The following ADGRG4 variants were observed in gnomAD, a reference collection of about 807,000 sequenced individuals.
ADGRG4 encodes the protein G protein-coupled receptor 112.
ADGRG4 carries 122 observed loss-of-function variants against 126.2 expected under a neutral mutation model. That is an observed-to-expected ratio of 0.97 (90% CI 0.83 to 1.12). ADGRG4 has a LOEUF of 1.12. ADGRG4 is among the 50% of genes most tolerant of loss of function. ADGRG4 has a pLI of 0.00. For synonymous variants in ADGRG4, 943 were observed against 838.7 expected (o/e 1.12, Z -2.15); for missense variants, 2,481 against 2,251.8 (o/e 1.10, Z -2.06).
Position 136,323,376 on chromosome X carries a change from C to G in ADGRG4, c.669C>G (p.Asp223Glu). ...TCAACAAGATCATCCCAACTGTTGA[C>G]AGGACACTGCGCTGCTGTGAGTAAC... ...WLVNKIIPTV[D>E]RTLRCFVPEN... Residue 223 changes from aspartate (D) to glutamate (E), a missense_variant, in exon 5 of 26, where the codon GAC becomes GAG. Coordinates refer to ENST00000394143, the MANE Select transcript of ADGRG4 (RefSeq NM_153834.4). 1 of 1,206,941 alleles carries G rather than the reference C, an allele frequency of 8.3e-7. No individual in the cohort carries two copies. Among genetic ancestry groups the G allele is most frequent in the Non-Finnish European group, 1.1e-6 (1 of 893,009 alleles).
chrX:136,399,855 C>T lies in ADGRG4; in HGVS notation c.8314C>T (p.Arg2772Ter), dbSNP rs1244009308. 9.2e-6 allele frequency: 11 copies of T among 1,197,527 alleles called. No individual in the cohort carries two copies. The East Asian group carries it at 2.4e-4, about 26-fold the overall frequency. Residue 2772 changes from arginine to a stop codon, truncating the protein, a stop_gained, in exon 21 of 26, where the codon CGA becomes TGA. Coordinates refer to ENST00000394143, the MANE Select transcript of ADGRG4 (RefSeq NM_153834.4). LOFTEE classifies it high-confidence loss of function. ...TTGTACTTTCTCTTTTAGCAAACTT[C>T]GAAAAGATTATCCTGCCAAAATTCT... ...VVTYIAFHKLRKDYPAKILIN... is the reference protein window; with the variant it reads ...VVTYIAFHKL
At chrX:136,344,171 A>G (rs964221557) in intron 5 of ADGRG4, among the ~76,000 whole-genome samples, 6 of 111,529 alleles carry the variant, frequency 5.4e-5, no homozygotes, top group Non-Finnish European at 1.1e-4. Flanking sequence ...GATACTACGA[A>G]ATGGATATCT....
chrX:136,361,634 C>T (rs773806911), intron 12 of ADGRG4, 47 bp downstream of exon 12: 1 of 1,004,618 alleles, frequency 1.0e-6, no homozygotes. Context: ...ATACAAAGAT[C>T]TACCTAATTG....
intron 20 of ADGRG4, 111 bp downstream of exon 20, chrX:136,398,113 C>A: frequency 1.5e-6 from 1 of 674,103 alleles, no homozygotes; most frequent in Non-Finnish European, 2.2e-6. Context: ...GAAGTCAGAT[C>A]CATTAGCTTA....
intron 15 of ADGRG4, among the ~76,000 whole-genome samples, chrX:136,383,876 T>TCTTC (rs2075278637): frequency 9.0e-5 from 7 of 77,647 alleles, no homozygotes; most frequent in African/African-American, 3.4e-4. Flanking sequence ...CTTTCTTTCT[T>TCTTC]CTTTCTTCCT....
chrX:136,310,996 G>C (rs749972119), intron 4 of ADGRG4, among the ~76,000 whole-genome samples: 70 of 110,918 alleles, frequency 6.3e-4, no homozygotes, highest in African/African-American at 2.2e-3. Flanking sequence ...GAGGCTGAGG[G>C]TTCAAGATCA....
At chrX:136,321,790 G>A (rs556816431) in intron 4 of ADGRG4, among the ~76,000 whole-genome samples, 22 of 111,932 alleles carry the variant, frequency 2.0e-4, no homozygotes, top group South Asian at 3.8e-4. Context: ...CCAAAAGACC[G>A]CACCCAATGG....
At chrX:136,401,980 A>G (rs2075381756) in intron 21 of ADGRG4, among the ~76,000 whole-genome samples, 2 of 112,090 alleles carry the variant, frequency 1.8e-5, no homozygotes, top group Non-Finnish European at 3.8e-5. Context: ...CCAAATTCAG[A>G]TAAGCCTTTA....
chrX:136,330,707 C>T (rs1357461909), intron 5 of ADGRG4, among the ~76,000 whole-genome samples: 1 of 110,931 alleles, frequency 9.0e-6, no homozygotes, highest in East Asian at 2.8e-4. Context: ...AATTAAATTT[C>T]TGTGGGTACA....
At chrX:136,322,237 C>T (rs1048623321) in intron 4 of ADGRG4, among the ~76,000 whole-genome samples, 3 of 111,748 alleles carry the variant, frequency 2.7e-5, no homozygotes, top group African/African-American at 9.8e-5. Flanking sequence ...GCTGGTCATT[C>T]TTCAGGCCTC....
chrX:136,311,426 C>CACAT (rs1266516343), intron 4 of ADGRG4, among the ~76,000 whole-genome samples: 2 of 110,205 alleles, frequency 1.8e-5, no homozygotes, highest in Non-Finnish European at 3.8e-5. Context: ...CACACACACA[C>CACAT]ACACGCTCAC....
intron 8 of ADGRG4, 126 bp downstream of exon 8, chrX:136,353,527 T>G: frequency 2.0e-6 from 1 of 493,324 alleles, no homozygotes; most frequent in South Asian, 3.2e-5. Context: ...TAGTTGCATC[T>G]TCCTTCCTGA....
chrX:136,380,577 T>TTCC (rs1161020229), intron 15 of ADGRG4, among the ~76,000 whole-genome samples: 54 of 84,100 alleles, frequency 6.4e-4, no homozygotes, highest in South Asian at 3.9e-3. Flanking sequence ...CCTCTTCTTC[T>TTCC]TCCTCCTCCT....
intron 15 of ADGRG4, 146 bp from the exon 16 acceptor site, chrX:136,387,594 G>A: frequency 4.1e-6 from 2 of 488,704 alleles, no homozygotes; most frequent in Non-Finnish European, 7.0e-6. Flanking sequence ...GTGTGTGTGT[G>A]AAAAGTGTAT....
At chrX:136,369,852 T>A (rs1419397869) in intron 13 of ADGRG4, among the ~76,000 whole-genome samples, 2 of 111,967 alleles carry the variant, frequency 1.8e-5, no homozygotes, top group Admixed American at 9.5e-5. Flanking sequence ...GTTCAGTTCC[T>A]ATGTGAGCCA....
chrX:136,401,299 A>C (rs1197479663), intron 21 of ADGRG4, among the ~76,000 whole-genome samples: 2 of 111,836 alleles, frequency 1.8e-5, no homozygotes, highest in Non-Finnish European at 3.8e-5. Flanking sequence ...GGCTTCATGA[A>C]TAATCCAAAA....
At position 136,345,074 on chromosome X, in the gene ADGRG4, T is replaced by C. The variant is rs1182274420; in HGVS notation, c.1368T>C (p.Pro456=). The C allele has an allele frequency of 1.7e-6, 2 of 1,209,100 alleles. No homozygotes were observed. The highest frequency in any genetic ancestry group is 1.8e-5 in the South Asian group (1 of 56,807). ...GGTTTACAGTGGAAAAGACTTCACC[T>C]GCATCTACTCATGTTGGGACTGCAT... ...VPWFTVEKTS[P]ASTHVGTASS... Residue 456 remains proline (P), a synonymous_variant, in exon 6 of 26, where the codon CCT becomes CCC. Coordinates refer to ENST00000394143, the MANE Select transcript of ADGRG4 (RefSeq NM_153834.4).
intron 13 of ADGRG4, among the ~76,000 whole-genome samples, chrX:136,365,741 G>T (rs999524080): frequency 8.9e-6 from 1 of 111,926 alleles, no homozygotes; most frequent in Non-Finnish European, 1.9e-5. Context: ...TATTACTATT[G>T]TCTGTCTTTT....
intron 5 of ADGRG4, among the ~76,000 whole-genome samples, chrX:136,333,913 G>A (rs752959612): frequency 3.5e-4 from 39 of 111,190 alleles, no homozygotes; most frequent in African/African-American, 1.2e-3. Flanking sequence ...TCATGCTTTC[G>A]ATGTTCAAGT....
Sources: allele counts gnomAD v4.1 joint callset (sites outside exome capture counted in the v4.1 genomes callset), GRCh38; gene constraint gnomAD v4.1.1; transcripts MANE v1.5; gene names NCBI Gene and HGNC (gene_info 2026-07-23, HGNC 2026-07-21).